The following SPTBN1 variants were observed in gnomAD, a reference collection of about 807,000 sequenced individuals.
SPTBN1 encodes the protein spectrin beta, non-erythrocytic 1.
Under a neutral mutation model 266.4 loss-of-function variants are expected in SPTBN1, and 32 were observed. The observed-to-expected ratio is 0.12, with a 90% CI of 0.09 to 0.16. The LOEUF (loss-of-function observed/expected upper bound fraction) is 0.16, where lower values mean the gene tolerates loss of function less well. Among genes scored for constraint, SPTBN1 ranks in the 10% least tolerant of loss-of-function variants. The probability of loss-of-function intolerance (pLI) is 1.00; values close to 1 mark genes in which losing one functional copy is unlikely to be tolerated. For synonymous variants in SPTBN1, 1,336 were observed against 1,162.2 expected, an observed-to-expected ratio of 1.15 and a Z score of -3.04; for missense variants, 2,296 against 3,067.1, an observed-to-expected ratio of 0.75 and a Z score of 5.94.
rs75312207 is a variant in SPTBN1, at chr2:54,671,224, T to C, written c.*2655T>C. 1 of 156,544 alleles carries C rather than the reference T, an allele frequency of 6.4e-6. No homozygotes were observed. Among genetic ancestry groups the C allele is most frequent in the South Asian group, 2.1e-4 (1 of 4,852 alleles). The allele number at this position is 156,544 out of a possible 1,614,324, so 9.7% of individuals were successfully genotyped here. A position where few individuals can be genotyped will look rare whatever the true frequency, so the allele number is the denominator to read the frequency against. On this transcript the variant is annotated 3_prime_UTR_variant, in exon 36 of 36. Transcript: ENST00000356805. Reference sequence around the variant, plus strand: ...CTGATGGCACTTCCGGAACTGGCTGTGGTTTTTTTGGGTGTACCGAGAGTG... The same window carrying C: ...CTGATGGCACTTCCGGAACTGGCTGCGGTTTTTTTGGGTGTACCGAGAGTG...
In SPTBN1 at chr2:54,670,917, G is replaced by A. The variant is rs1171366435; in HGVS notation, c.*2348G>A. 1.0e-5 allele frequency: 4 copies of A among 397,918 alleles called. No homozygotes were observed. Among genetic ancestry groups the A allele is most frequent in the African/African-American group, 8.2e-5 (4 of 48,576 alleles). 24.6% of individuals were successfully genotyped at this position (397,918 alleles called of 1,614,324 possible). A position where few individuals can be genotyped will look rare whatever the true frequency, so the allele number is the denominator to read the frequency against. On this transcript the variant is annotated 3_prime_UTR_variant, in exon 36 of 36. Transcript: ENST00000356805. ...GAGGTTACAGGCCGCACAGCCTGAT[G>A]AGCTTCAAGCCTGGCAGGGTAAATA...
At chr2:54,564,923 A>C (rs1040336283) in intron 2 of SPTBN1, among the ~76,000 whole-genome samples, 11 of 152,188 alleles carry the variant, frequency 7.2e-5, no homozygotes, top group African/African-American at 2.4e-4. Flanking sequence ...TCTTACACAT[A>C]CAAGCCGCTA....
chr2:54,639,660 C>G (rs756048340), intron 18 of SPTBN1, among the ~76,000 whole-genome samples: 1 of 152,190 alleles, frequency 6.6e-6, no homozygotes, highest in East Asian at 1.9e-4. Flanking sequence ...CGGTTCTTCC[C>G]GATAGAATCA....
At chr2:54,632,161 G>T (rs1225827213) in intron 16 of SPTBN1, among the ~76,000 whole-genome samples, 1 of 151,578 alleles carries the variant, frequency 6.6e-6, no homozygotes, top group Non-Finnish European at 1.5e-5. Context: ...AAGGGTCAGG[G>T]ACTTCACCTG....
At chr2:54,489,645 G>C (rs1052363875) in intron 1 of SPTBN1, among the ~76,000 whole-genome samples, 1 of 152,196 alleles carries the variant, frequency 6.6e-6, no homozygotes, top group Admixed American at 6.5e-5. Context: ...GTTGCAGTGA[G>C]CTGAGATCGT....
At chr2:54,627,555 T>C (rs1678435297) in intron 12 of SPTBN1, among the ~76,000 whole-genome samples, 1 of 152,222 alleles carries the variant, frequency 6.6e-6, no homozygotes, top group South Asian at 2.1e-4. Context: ...GTTTTCCCAT[T>C]GATTGTGTAA....
At position 54,622,548 on chromosome 2, in the gene SPTBN1, A is replaced by G. The variant is rs532832307; in HGVS notation, c.1064+61A>G. The G allele has an allele frequency of 2.8e-5, 44 of 1,563,620 alleles. 2 individuals carry two copies. The South Asian group carries it at 3.7e-4, about 13-fold the overall frequency. ...AAAGACACATCACTGTAGCCAACAG[A>G]TCCCTATGTTCTGATTTCTGTAATC... is the stretch of plus-strand genomic sequence containing the variant. On this transcript the variant is annotated intron_variant, in intron 9 of 35. Coordinates refer to ENST00000356805, the MANE Select transcript of SPTBN1 (RefSeq NM_003128.3).
At chr2:54,561,879 T>TTA (rs113692973) in intron 2 of SPTBN1, among the ~76,000 whole-genome samples, 1 of 147,446 alleles carries the variant, frequency 6.8e-6, no homozygotes, top group Admixed American at 6.7e-5. Context: ...TAAGTGTGAT[T>TTA]AAAAAAAAAA....
chr2:54,547,207 G>T (rs1282786079), intron 2 of SPTBN1, among the ~76,000 whole-genome samples: 1 of 152,072 alleles, frequency 6.6e-6, no homozygotes, highest in Admixed American at 6.5e-5. Flanking sequence ...GCATGTAAGT[G>T]GAATCATGTA....
At chr2:54,550,261 T>C (rs1278809576) in intron 2 of SPTBN1, among the ~76,000 whole-genome samples, 4 of 152,186 alleles carry the variant, frequency 2.6e-5, no homozygotes, top group African/African-American at 9.7e-5. Context: ...GGGCTGTCCA[T>C]GAATTATTCA....
intron 2 of SPTBN1, among the ~76,000 whole-genome samples, chr2:54,569,686 C>G (rs1396313912): frequency 1.3e-5 from 2 of 152,160 alleles, no homozygotes; most frequent in African/African-American, 4.8e-5. Context: ...TGCTTCTCAT[C>G]TATGGGATGA....
intron 3 of SPTBN1, among the ~76,000 whole-genome samples, chr2:54,600,845 G>C (rs201599910): frequency 3.8e-5 from 5 of 131,642 alleles, no homozygotes; most frequent in African/African-American, 1.4e-4. Flanking sequence ...ATTTATTTTT[G>C]TTCCAATAGG....
chr2:54,534,832 A>G (rs1311212754), intron 2 of SPTBN1, among the ~76,000 whole-genome samples: 1 of 152,138 alleles, frequency 6.6e-6, no homozygotes, highest in Non-Finnish European at 1.5e-5. Flanking sequence ...GTTTCTGACT[A>G]TTCACCATGC....
intron 2 of SPTBN1, among the ~76,000 whole-genome samples, chr2:54,594,888 G>A (rs1486657768): frequency 3.6e-5 from 5 of 138,274 alleles, no homozygotes; most frequent in African/African-American, 1.2e-4. Context: ...AGGCTGGAGT[G>A]CAATGGCACA....
chr2:54,542,745 A>T (rs891978556), intron 2 of SPTBN1, among the ~76,000 whole-genome samples: 7 of 152,112 alleles, frequency 4.6e-5, no homozygotes, highest in African/African-American at 1.4e-4. Context: ...GGGCCTTTTC[A>T]ACTGTTGAAT....
intron 1 of SPTBN1, among the ~76,000 whole-genome samples, chr2:54,483,576 A>G (rs1437691393): frequency 2.0e-5 from 3 of 152,116 alleles, no homozygotes; most frequent in African/African-American, 7.2e-5. Flanking sequence ...TGTCTCCTGC[A>G]TTTCGCTGGA....
intron 4 of SPTBN1, among the ~76,000 whole-genome samples, chr2:54,614,796 CAA>C (rs112685418): frequency 3.3e-5 from 4 of 119,490 alleles, no homozygotes; most frequent in Admixed American, 8.4e-5. Flanking sequence ...GAGACTGTCT[CAA>C]AAAAAAAAAA....
At chr2:54,566,417 A>T (rs1673667219) in intron 2 of SPTBN1, among the ~76,000 whole-genome samples, 1 of 151,808 alleles carries the variant, frequency 6.6e-6, no homozygotes, top group Non-Finnish European at 1.5e-5. Flanking sequence ...CCAACTCCTG[A>T]CCTCAGGTGA....
At chr2:54,587,391 T>G (rs1675364204) in intron 2 of SPTBN1, among the ~76,000 whole-genome samples, 1 of 152,242 alleles carries the variant, frequency 6.6e-6, no homozygotes, top group Non-Finnish European at 1.5e-5. Flanking sequence ...CTGTTACGGT[T>G]GGTGCGCTTT....
Sources: allele counts gnomAD v4.1 joint callset (sites outside exome capture counted in the v4.1 genomes callset), GRCh38; gene constraint gnomAD v4.1.1; transcripts MANE v1.5; gene names NCBI Gene and HGNC (gene_info 2026-07-23, HGNC 2026-07-21).